Variants in GUCA1C observed in about 807,000 individuals in gnomAD.
The protein encoded by GUCA1C is guanylyl cyclase-activating protein 3.
A neutral mutation model predicts 16.2 loss-of-function variants in GUCA1C; 15 were observed. The ratio of observed to expected loss-of-function variants is 0.93; its 90% CI spans 0.62 to 1.43. GUCA1C has a LOEUF of 1.43. GUCA1C is among the 40% of genes most tolerant of loss of function. The probability of loss-of-function intolerance (pLI) is 0.00; values close to 1 mark genes in which losing one functional copy is unlikely to be tolerated. For synonymous variants in GUCA1C, 78 were observed against 85.4 expected, an observed-to-expected ratio of 0.91 and a Z score of 0.48; for missense variants, 275 against 244.8, an observed-to-expected ratio of 1.12 and a Z score of -0.82.
At chr3:108,926,875 T>G (rs1440277661) in intron 1 of GUCA1C, among the ~76,000 whole-genome samples, 2 of 152,146 alleles carry the variant, frequency 1.3e-5, no homozygotes, top group Non-Finnish European at 2.9e-5. Flanking sequence ...TTTGAGGATT[T>G]GTTTCAAGAT....
chr3:108,927,058 C>T (rs1045031803), intron 1 of GUCA1C, among the ~76,000 whole-genome samples: 1 of 152,110 alleles, frequency 6.6e-6, no homozygotes, highest in African/African-American at 2.4e-5. Context: ...AAATAGGACC[C>T]CAATCCCTTC....
At chr3:108,944,341 G>C (rs758537989) in intron 1 of GUCA1C, among the ~76,000 whole-genome samples, 23 of 151,982 alleles carry the variant, frequency 1.5e-4, no homozygotes, top group Middle Eastern at 6.8e-3. Flanking sequence ...TTCTGAGCTA[G>C]AGAATCTGGG....
intron 3 of GUCA1C, among the ~76,000 whole-genome samples, chr3:108,912,711 C>CAA (rs10664351): frequency 0.15 from 21,111 of 143,436 alleles, 1,949 homozygotes; most frequent in African/African-American, 0.25. Context: ...TTGTTAATTT[C>CAA]AAAAAAAAAA....
chr3:108,919,275 C>T (rs993235035), intron 2 of GUCA1C, among the ~76,000 whole-genome samples: 1 of 151,906 alleles, frequency 6.6e-6, no homozygotes, highest in East Asian at 1.9e-4. Context: ...ATGCATTAAG[C>T]ATTAAGAAAT....
intron 1 of GUCA1C, among the ~76,000 whole-genome samples, chr3:108,935,319 C>A (rs1443465635): frequency 6.6e-6 from 1 of 151,328 alleles, no homozygotes; most frequent in Non-Finnish European, 1.5e-5. Flanking sequence ...AGATAACAAA[C>A]CTGTACTCCT....
intron 1 of GUCA1C, among the ~76,000 whole-genome samples, chr3:108,937,418 T>C (rs1946737181): frequency 6.6e-6 from 1 of 152,226 alleles, no homozygotes; most frequent in African/African-American, 2.4e-5. Context: ...TATCTTAGTA[T>C]ATTTCAGAGA....
chr3:108,940,591 C>T (rs770785263), intron 1 of GUCA1C, among the ~76,000 whole-genome samples: 2 of 152,080 alleles, frequency 1.3e-5, no homozygotes, highest in African/African-American at 2.4e-5. Context: ...CAAAACAGCA[C>T]GAATAAATGT....
At chr3:108,916,308 T>G in intron 2 of GUCA1C, 94 bp from the exon 3 acceptor site, 1 of 1,169,008 alleles carries the variant, frequency 8.6e-7, no homozygotes. Flanking sequence ...TTTGGGGATG[T>G]GTTGTCGGTT....
chr3:108,951,315 T>A (rs1946893788), intron 1 of GUCA1C, among the ~76,000 whole-genome samples: 1 of 152,178 alleles, frequency 6.6e-6, no homozygotes, highest in African/African-American at 2.4e-5. Context: ...AAATGGGTAA[T>A]TATGTGAGAT....
chr3:108,943,527 G>A (rs1946811733), intron 1 of GUCA1C, among the ~76,000 whole-genome samples: 1 of 152,136 alleles, frequency 6.6e-6, no homozygotes, highest in African/African-American at 2.4e-5. Context: ...GAGATAAGGA[G>A]GGGGACTATC....
At chr3:108,952,834 CTGA>C (rs1946907805) in intron 1 of GUCA1C, among the ~76,000 whole-genome samples, 1 of 151,786 alleles carries the variant, frequency 6.6e-6, no homozygotes, top group African/African-American at 2.4e-5. Context: ...GAACCTGAGC[CTGA>C]TATTTCAGGT....
In GUCA1C at chr3:108,912,835, GT is replaced by G. The variant is rs548229601; in HGVS notation, c.442+3291del. 1.0e-3 allele frequency among the ~76,000 whole-genome samples: 158 copies of G among 151,922 alleles called. 2 individuals carry two copies. The highest frequency in any genetic ancestry group is 2.1e-3 in the Non-Finnish European group (140 of 67,956). Reference sequence around the variant, plus strand: ...TTAGCAGACACTCTTTCATTTCACAGTTATTTATAGAGCACCTACTGTGTGC... The same window carrying G: ...TTAGCAGACACTCTTTCATTTCACAGTATTTATAGAGCACCTACTGTGTGC... On this transcript the variant is annotated intron_variant, in intron 3 of 3. Coordinates refer to ENST00000261047, the MANE Select transcript of GUCA1C (RefSeq NM_005459.4).
chr3:108,924,678 T>C (rs913894692), intron 1 of GUCA1C, among the ~76,000 whole-genome samples: 20 of 152,210 alleles, frequency 1.3e-4, no homozygotes, highest in African/African-American at 4.8e-4. Flanking sequence ...GAGGATTCCC[T>C]CTTTCTCTAG....
chr3:108,922,209 A>G (rs1946577117), intron 1 of GUCA1C, among the ~76,000 whole-genome samples: 1 of 150,840 alleles, frequency 6.6e-6, no homozygotes, highest in Non-Finnish European at 1.5e-5. Flanking sequence ...ACACATATAT[A>G]TATGGATAAT....
At chr3:108,949,157 ATTTT>A (rs772700623) in intron 1 of GUCA1C, among the ~76,000 whole-genome samples, 1 of 151,820 alleles carries the variant, frequency 6.6e-6, no homozygotes, top group African/African-American at 2.4e-5. Context: ...AATTTTTCTG[ATTTT>A]TTTGTTATAA....
chr3:108,931,825 T>C (rs1323256208), intron 1 of GUCA1C, among the ~76,000 whole-genome samples: 1 of 151,912 alleles, frequency 6.6e-6, no homozygotes, highest in Non-Finnish European at 1.5e-5. Context: ...CCAAAGGTTT[T>C]CTTTGGGGTG....
intron 1 of GUCA1C, among the ~76,000 whole-genome samples, chr3:108,926,467 G>A (rs2107292333): frequency 6.6e-6 from 1 of 152,228 alleles, no homozygotes; most frequent in South Asian, 2.1e-4. Context: ...TATTGATTGT[G>A]CTATTTGTTG....
intron 1 of GUCA1C, among the ~76,000 whole-genome samples, chr3:108,927,497 A>G (rs556374707): frequency 3.0e-4 from 44 of 147,828 alleles, no homozygotes; most frequent in Non-Finnish European, 4.7e-4. Flanking sequence ...TGAGCTCTAA[A>G]GTTCTTTCTT....
At chr3:108,913,504 C>A (rs991780594) in intron 3 of GUCA1C, among the ~76,000 whole-genome samples, 1 of 152,012 alleles carries the variant, frequency 6.6e-6, no homozygotes, top group Non-Finnish European at 1.5e-5. Flanking sequence ...AAATATCAAC[C>A]TTTTATGTCT....
Sources: allele counts gnomAD v4.1 joint callset (sites outside exome capture counted in the v4.1 genomes callset), GRCh38; gene constraint gnomAD v4.1.1; transcripts MANE v1.5; gene names NCBI Gene and HGNC (gene_info 2026-07-23, HGNC 2026-07-21).